Variants in RBFOX1 observed in about 807,000 individuals in gnomAD.
RBFOX1 encodes RNA binding protein fox-1 homolog 1.
Under a neutral mutation model 57.7 loss-of-function variants are expected in RBFOX1, and 8 were observed. The ratio of observed to expected loss-of-function variants is 0.14; its 90% CI spans 0.08 to 0.25. The LOEUF (loss-of-function observed/expected upper bound fraction) is 0.25. Ranked by LOEUF, RBFOX1 falls within the 10% of genes least tolerant of loss-of-function variation. The pLI, the probability that RBFOX1 is intolerant of heterozygous loss-of-function variation, is 1.00. For synonymous variants in RBFOX1, 326 were observed against 222.4 expected (o/e 1.47, Z -4.15); for missense variants, 611 against 548.5 (o/e 1.11, Z -1.14).
intron 2 of RBFOX1, among the ~76,000 whole-genome samples, chr16:6,581,503 G>A (rs1434380741): frequency 6.6e-6 from 1 of 152,162 alleles, no homozygotes; most frequent in African/African-American, 2.4e-5. Context: ...TCTACCCTGG[G>A]CTCTGATGGT....
At chr16:7,368,111 A>G (rs777269567) in intron 4 of RBFOX1, among the ~76,000 whole-genome samples, 2 of 152,074 alleles carry the variant, frequency 1.3e-5, no homozygotes, top group African/African-American at 2.4e-5. Flanking sequence ...TACTAAAAAT[A>G]CTAAAATTAG....
chr16:6,606,542 T>C lies in RBFOX1; in HGVS notation c.-63-48061T>C, dbSNP rs145356743. On this transcript the variant is annotated intron_variant, in intron 2 of 15. Coordinates refer to ENST00000550418, the MANE Select transcript of RBFOX1 (RefSeq NM_018723.4). ...CCTCCTTCCCCTCTACGAGGCCCCA[T>C]TGTGTGTAGTTCCCCTCCCTGTGTC... 5.3e-3 allele frequency among the ~76,000 whole-genome samples: 800 copies of C among 152,166 alleles called. 8 individuals are homozygous for C. The highest frequency in any genetic ancestry group is 0.037 in the Middle Eastern group (11 of 294).
chr16:6,256,211 G>GTATATATATGTATATATATATGTA (rs1567788249), intron 1 of RBFOX1, among the ~76,000 whole-genome samples: 418 of 11,128 alleles, frequency 0.038, 46 homozygotes, highest in African/African-American at 0.087. Flanking sequence ...ATGTATATGT[G>GTATATATATGTATATATATATGTA]TATATATATG....
intron 3 of RBFOX1, among the ~76,000 whole-genome samples, chr16:5,692,351 G>T (rs868719053): frequency 1.3e-5 from 2 of 152,072 alleles, no homozygotes; most frequent in Non-Finnish European, 2.9e-5. Flanking sequence ...GATGAGAGTG[G>T]TCTCTGGCCA....
intron 3 of RBFOX1, among the ~76,000 whole-genome samples, chr16:5,660,202 C>G (rs1375143051): frequency 6.6e-6 from 1 of 152,044 alleles, no homozygotes; most frequent in African/African-American, 2.4e-5. Flanking sequence ...TGTTTAGAGT[C>G]AAGGTTGTTT....
chr16:6,100,029 T>G (rs1213056079), intron 1 of RBFOX1, among the ~76,000 whole-genome samples: 6 of 152,242 alleles, frequency 3.9e-5, no homozygotes. Flanking sequence ...GACTTAGGAA[T>G]GTTGAGCACA....
chr16:7,594,802 G>A (rs2094605243), intron 7 of RBFOX1, among the ~76,000 whole-genome samples: 1 of 152,154 alleles, frequency 6.6e-6, no homozygotes, highest in Admixed American at 6.5e-5. Flanking sequence ...AAAGTAGGAT[G>A]GAAGGTTGTC....
intron 4 of RBFOX1, among the ~76,000 whole-genome samples, chr16:7,382,221 A>G (rs994115296): frequency 1.3e-5 from 2 of 152,168 alleles, no homozygotes; most frequent in Non-Finnish European, 2.9e-5. Context: ...AACTAATTAA[A>G]CTAATCCTAT....
In RBFOX1 at chr16:7,643,931, T is replaced by G. The variant is rs146041255; in HGVS notation, c.758-9884T>G. On this transcript the variant is annotated intron_variant, in intron 11 of 15. Transcript: ENST00000550418. ...AGCATATTGAGATCTCTGGGAGGAC[T>G]GTCAACAGATTCCCCTGCAAATTAA... Among the ~76,000 whole-genome samples, 31 of 152,300 alleles carry G rather than the reference T, an allele frequency of 2.0e-4. No homozygotes were observed. The East Asian group carries it at 6.0e-3, about 29-fold the overall frequency.
chr16:5,614,251 A>G (rs1014600604), intron 3 of RBFOX1, among the ~76,000 whole-genome samples: 1 of 152,104 alleles, frequency 6.6e-6, no homozygotes. Flanking sequence ...AAACTAGAAG[A>G]AAACAAATTT....
rs371439826 is a variant in RBFOX1 at position 6,826,182 on chromosome 16, G to C, written c.-16+171532G>C. ...AGAAGACAGGACTCATCGTCGCCAC[G>C]TAGGTTGTATGTATTGAGTCAGTCG... On this transcript the variant is annotated intron_variant, in intron 3 of 15. Coordinates refer to ENST00000550418, the MANE Select transcript of RBFOX1 (RefSeq NM_018723.4). 9.9e-5 allele frequency among the ~76,000 whole-genome samples: 15 copies of C among 152,190 alleles called. 1 individual carries two copies. Among genetic ancestry groups the C allele is most frequent in the Middle Eastern group, 3.4e-3 (1 of 294 alleles).
intron 3 of RBFOX1, among the ~76,000 whole-genome samples, chr16:5,714,062 A>T (rs1448106249): frequency 6.6e-6 from 1 of 152,230 alleles, no homozygotes; most frequent in African/African-American, 2.4e-5. Flanking sequence ...TATGCACTCC[A>T]TAAATTAGGA....
At chr16:7,462,571 A>G (rs959614628) in intron 4 of RBFOX1, among the ~76,000 whole-genome samples, 1 of 152,208 alleles carries the variant, frequency 6.6e-6, no homozygotes, top group African/African-American at 2.4e-5. Flanking sequence ...CTTCGGCATG[A>G]CTCAACTGGG....
chr16:6,013,778 G>C (rs534037370), intron 4 of RBFOX1, among the ~76,000 whole-genome samples: 1 of 152,178 alleles, frequency 6.6e-6, no homozygotes, highest in African/African-American at 2.4e-5. Context: ...TTGGACATTT[G>C]GGTTGGTTCC....
rs1309999761 is a variant in RBFOX1 at position 6,478,419 on chromosome 16, A to T, written c.-64+161362A>T. ...TATATATATATATATATATATATAT[A>T]TATATATATATTTTTTTTTTTTTTT... is the stretch of plus-strand genomic sequence containing the variant. On this transcript the variant is annotated intron_variant, in intron 2 of 15. Transcript: ENST00000550418. 3.6e-3 allele frequency among the ~76,000 whole-genome samples: 49 copies of T among 13,796 alleles called. 2 individuals carry two copies. The highest frequency in any genetic ancestry group is 9.5e-3 in the African/African-American group (39 of 4,092). 9.1% of individuals were successfully genotyped at this position (13,796 alleles called of 152,430 possible). A position where few individuals can be genotyped will look rare whatever the true frequency, so the allele number is the denominator to read the frequency against.
intron 2 of RBFOX1, among the ~76,000 whole-genome samples, chr16:6,382,839 AAC>A (rs1458730502): frequency 6.6e-6 from 1 of 152,130 alleles, no homozygotes; most frequent in African/African-American, 2.4e-5. Context: ...CAGCCTGGGC[AAC>A]AGAGTGAGAC....
chr16:6,217,065 TA>T (rs1427742019), intron 1 of RBFOX1, among the ~76,000 whole-genome samples: 1 of 152,106 alleles, frequency 6.6e-6, no homozygotes, highest in Non-Finnish European at 1.5e-5. Flanking sequence ...ATCCGCATCT[TA>T]ACACAAAGCT....
intron 3 of RBFOX1, among the ~76,000 whole-genome samples, chr16:6,698,734 C>T (rs754445564): frequency 6.6e-6 from 1 of 152,120 alleles, no homozygotes; most frequent in Non-Finnish European, 1.5e-5. Context: ...TTCTCAAATC[C>T]CACATCTTTG....
At chr16:5,509,281 A>G (rs901253583) in intron 2 of RBFOX1, among the ~76,000 whole-genome samples, 4 of 152,182 alleles carry the variant, frequency 2.6e-5, no homozygotes, top group Non-Finnish European at 4.4e-5. Context: ...AAGAAGGGCA[A>G]ATCCATGCAG....
Sources: allele counts gnomAD v4.1 joint callset (sites outside exome capture counted in the v4.1 genomes callset), GRCh38; gene constraint gnomAD v4.1.1; transcripts MANE v1.5; gene names NCBI Gene and HGNC (gene_info 2026-07-23, HGNC 2026-07-21).